The following PPP3CA variants were observed in gnomAD, a reference collection of about 807,000 sequenced individuals.
PPP3CA encodes CAM-PRP catalytic subunit.
PPP3CA carries 14 observed loss-of-function variants against 66.5 expected under a neutral mutation model. The observed-to-expected ratio is 0.21, with a 90% CI of 0.14 to 0.33. The LOEUF (loss-of-function observed/expected upper bound fraction) is 0.33. PPP3CA is among the 10% of genes least tolerant of loss of function. The pLI, the probability that PPP3CA is intolerant of heterozygous loss-of-function variation, is 1.00. For missense variants in PPP3CA, 317 were observed against 639.5 expected, an observed-to-expected ratio of 0.50 and a Z score of 5.44; for synonymous variants, 232 against 226.2, an observed-to-expected ratio of 1.03 and a Z score of -0.23.
intron 2 of PPP3CA, among the ~76,000 whole-genome samples, chr4:101,123,641 C>A (rs911790437): frequency 2.4e-4 from 37 of 152,142 alleles, no homozygotes; most frequent in African/African-American, 8.7e-4. Context: ...GACCAGCCTG[C>A]ACAACGTGGT....
chr4:101,257,765 C>T lies in PPP3CA; in HGVS notation c.59-61649G>A, dbSNP rs186558555. Among the ~76,000 whole-genome samples the T allele has an allele frequency of 3.3e-5, 5 of 152,168 alleles. No individual in the cohort carries two copies. The East Asian group carries it at 7.7e-4, about 23-fold the overall frequency. On this transcript the variant is annotated intron_variant, in intron 1 of 13. Transcript: ENST00000394854. Reference sequence around the variant, plus strand: ...TATTTGTTTATTTTTAGCCCAACAACATTAGTTACTGAATACGCATTATTT... The same window carrying T: ...TATTTGTTTATTTTTAGCCCAACAATATTAGTTACTGAATACGCATTATTT...
At chr4:101,158,562 A>G (rs1451787157) in intron 2 of PPP3CA, among the ~76,000 whole-genome samples, 1 of 152,240 alleles carries the variant, frequency 6.6e-6, no homozygotes, top group Non-Finnish European at 1.5e-5. Context: ...ATTAAATGTC[A>G]GATGAGAAAT....
At chr4:101,052,521 A>T (rs1037123856) in intron 10 of PPP3CA, among the ~76,000 whole-genome samples, 9 of 152,038 alleles carry the variant, frequency 5.9e-5, no homozygotes, top group Non-Finnish European at 1.5e-5. Context: ...TTATAAAGAC[A>T]AACGATTTAG....
intron 1 of PPP3CA, among the ~76,000 whole-genome samples, chr4:101,256,888 T>G (rs1726860294): frequency 6.6e-6 from 1 of 152,008 alleles, no homozygotes; most frequent in Admixed American, 6.6e-5. Flanking sequence ...TCAAGTATAT[T>G]ATTTTGTTTA....
chr4:101,298,882 T>C (rs1342485616), intron 1 of PPP3CA, among the ~76,000 whole-genome samples: 2 of 147,746 alleles, frequency 1.4e-5, no homozygotes, highest in Non-Finnish European at 2.9e-5. Context: ...TGTGTGTGTG[T>C]GTGTATACAC....
chr4:101,329,792 T>A (rs943802962), intron 1 of PPP3CA, among the ~76,000 whole-genome samples: 41 of 152,252 alleles, frequency 2.7e-4, no homozygotes, highest in Admixed American at 1.8e-3. Context: ...ACAGCACATC[T>A]GTTTACAGCA....
At chr4:101,169,735 G>GC (rs1553930322) in intron 2 of PPP3CA, among the ~76,000 whole-genome samples, 2 of 70,104 alleles carry the variant, frequency 2.9e-5, no homozygotes, top group African/African-American at 8.7e-5. Flanking sequence ...AGAAGTAAAT[G>GC]CCTTTTTTTT....
intron 2 of PPP3CA, among the ~76,000 whole-genome samples, chr4:101,172,249 C>G (rs1248256945): frequency 6.6e-6 from 1 of 152,048 alleles, no homozygotes; most frequent in Non-Finnish European, 1.5e-5. Context: ...GAGCATAGAA[C>G]CAGAGAGATT....
chr4:101,095,665 T>C (rs557143559), intron 5 of PPP3CA, among the ~76,000 whole-genome samples: 84 of 152,300 alleles, frequency 5.5e-4, no homozygotes, highest in African/African-American at 1.9e-3. Flanking sequence ...AACATTTCTG[T>C]TTTTGAGACG....
intron 1 of PPP3CA, among the ~76,000 whole-genome samples, chr4:101,322,508 T>A (rs1442324686): frequency 6.6e-6 from 1 of 151,522 alleles, no homozygotes; most frequent in Non-Finnish European, 1.5e-5. Context: ...CCTCCCGGGT[T>A]CAAGCGATTC....
At chr4:101,340,955 T>C (rs1049723034) in intron 1 of PPP3CA, among the ~76,000 whole-genome samples, 4 of 152,176 alleles carry the variant, frequency 2.6e-5, no homozygotes, top group African/African-American at 9.6e-5. Flanking sequence ...CTATTCTATT[T>C]CTGTGTATAT....
rs1320853385 is a variant in PPP3CA, at chr4:101,275,882, TG to T, written c.58+70856del. 5.1e-3 allele frequency among the ~76,000 whole-genome samples: 764 copies of T among 150,772 alleles called. 3 individuals carry two copies. Among genetic ancestry groups the T allele is most frequent in the African/African-American group, 0.017 (716 of 40,958 alleles). ...TGTGGTTTTTTTTTTGTTTTTTGTT[TG>T]TTTGTTTGTTTTTTGTTTTTTGTTT... On this transcript the variant is annotated intron_variant, in intron 1 of 13. Transcript: ENST00000394854.
intron 1 of PPP3CA, among the ~76,000 whole-genome samples, chr4:101,280,930 T>G (rs1304772615): frequency 6.6e-6 from 1 of 151,438 alleles, no homozygotes; most frequent in Non-Finnish European, 1.5e-5. Flanking sequence ...TTCCAATGGT[T>G]AAATGGTTAG....
intron 10 of PPP3CA, among the ~76,000 whole-genome samples, chr4:101,057,864 C>T (rs1333199948): frequency 6.6e-6 from 1 of 152,112 alleles, no homozygotes; most frequent in Admixed American, 6.6e-5. Context: ...GGAACCAAGG[C>T]CTGCACTGCT....
rs894182216 is a variant in PPP3CA at position 101,347,475 on chromosome 4, C to G, written c.-679G>C. 1 of 162,850 alleles carries G rather than the reference C, an allele frequency of 6.1e-6. No homozygotes were observed. The highest frequency in any genetic ancestry group is 1.4e-4 in the South Asian group (1 of 6,980). The allele number at this position is 162,850 out of a possible 1,614,324, so 10.1% of individuals were successfully genotyped here. ...TCTGCCTCCCCGCGCCGCTCCTCCA[C>G]TCACCAAGGCACAGCCGCCGAGCTC... On this transcript the variant is annotated 5_prime_UTR_variant, in exon 1 of 14. Transcript: ENST00000394854.
At chr4:101,032,890 A>ATGT (rs1727048436) in intron 11 of PPP3CA, among the ~76,000 whole-genome samples, 1 of 152,224 alleles carries the variant, frequency 6.6e-6, no homozygotes, top group African/African-American at 2.4e-5. Flanking sequence ...AGTAATTTAG[A>ATGT]TGTTACATGA....
chr4:101,123,767 A>G (rs778710776), intron 2 of PPP3CA, among the ~76,000 whole-genome samples: 3 of 152,236 alleles, frequency 2.0e-5, no homozygotes, highest in Non-Finnish European at 4.4e-5. Flanking sequence ...AAGAGGAGCC[A>G]TGGAAGAAAA....
chr4:101,193,886 T>C (rs1033045314), intron 2 of PPP3CA, among the ~76,000 whole-genome samples: 6 of 152,188 alleles, frequency 3.9e-5, no homozygotes, highest in African/African-American at 1.4e-4. Flanking sequence ...ATGGCAAATG[T>C]TAGTACAACT....
chr4:101,129,870 AG>A (rs1560617320), intron 2 of PPP3CA, among the ~76,000 whole-genome samples: 1 of 152,136 alleles, frequency 6.6e-6, no homozygotes. Context: ...CTCACCAGCA[AG>A]GGAACAAAGC....
Sources: allele counts gnomAD v4.1 joint callset (sites outside exome capture counted in the v4.1 genomes callset), GRCh38; gene constraint gnomAD v4.1.1; transcripts MANE v1.5; gene names NCBI Gene and HGNC (gene_info 2026-07-23, HGNC 2026-07-21).